The following NCOA7 variants were observed in gnomAD, a reference collection of about 807,000 sequenced individuals.
NCOA7 encodes 140 kDa estrogen receptor-associated protein.
A neutral mutation model predicts 104.3 loss-of-function variants in NCOA7; 45 were observed. The observed-to-expected ratio is 0.43, with a 90% confidence interval of 0.34 to 0.55. The LOEUF (loss-of-function observed/expected upper bound fraction) is 0.55. Ranked by LOEUF, NCOA7 falls within the 20% of genes least tolerant of loss-of-function variation. The probability of loss-of-function intolerance (pLI) is 0.02; values close to 1 mark genes in which losing one functional copy is unlikely to be tolerated. For synonymous variants in NCOA7, 398 were observed against 402.3 expected (o/e 0.99, Z 0.13); for missense variants, 1,041 against 1,119.7 (o/e 0.93, Z 1.00).
chr6:125,916,384 A>C (rs1787090206), intron 11 of NCOA7, among the ~76,000 whole-genome samples: 1 of 152,218 alleles, frequency 6.6e-6, no homozygotes, highest in Non-Finnish European at 1.5e-5. Context: ...GGACTAATAC[A>C]CAAGCTGTAG....
chr6:125,863,953 G>T lies in NCOA7; in HGVS notation c.271+8713G>T, dbSNP rs1370776402. Among the ~76,000 whole-genome samples the T allele has an allele frequency of 1.5e-5, 2 of 137,714 alleles. 1 individual carries two copies. The highest frequency in any genetic ancestry group is 6.1e-5 in the African/African-American group (2 of 32,938). 90.3% of individuals were successfully genotyped at this position (137,714 alleles called of 152,430 possible). ...GTGAGGATTTCAACATATGAATTTT[G>T]GGGGAACATAACATTAAAATCTTAG... On this transcript the variant is annotated intron_variant, in intron 3 of 15. Coordinates refer to ENST00000392477, the MANE Select transcript of NCOA7 (RefSeq NM_181782.5).
chr6:125,822,850 A>G (rs1381216777), intron 2 of NCOA7, among the ~76,000 whole-genome samples: 2 of 151,244 alleles, frequency 1.3e-5, no homozygotes, highest in African/African-American at 4.9e-5. Flanking sequence ...CAAGAGAATC[A>G]CTTGAACCCA....
intron 10 of NCOA7, among the ~76,000 whole-genome samples, chr6:125,899,502 T>A (rs1396718130): frequency 6.6e-6 from 1 of 152,202 alleles, no homozygotes; most frequent in African/African-American, 2.4e-5. Flanking sequence ...GATTCGTAAG[T>A]ACCACTTACC....
At position 125,840,868 on chromosome 6, in the gene NCOA7, G is replaced by GTTTTTTTTTTTTTTTTTTTT. The variant is rs57168444; in HGVS notation, c.51-14129_51-14110dup. ...TTTTATGGTTTTTTTTGTTTGGTTG[G>GTTTTTTTTTTTTTTTTTTTT]TTTTTTTTTTTTTTTTTTTTTTTTT... On this transcript the variant is annotated intron_variant, in intron 2 of 15. Coordinates refer to ENST00000392477, the MANE Select transcript of NCOA7 (RefSeq NM_181782.5). Among the ~76,000 whole-genome samples the GTTTTTTTTTTTTTTTTTTTT allele has an allele frequency of 3.0e-4, 12 of 40,376 alleles. 3 individuals are homozygous for GTTTTTTTTTTTTTTTTTTTT. Among genetic ancestry groups the GTTTTTTTTTTTTTTTTTTTT allele is most frequent in the African/African-American group, 3.1e-4 (3 of 9,662 alleles). The allele number at this position is 40,376 out of a possible 152,430, so 26.5% of individuals were successfully genotyped here. A position where few individuals can be genotyped will look rare whatever the true frequency, so the allele number is the denominator to read the frequency against.
intron 10 of NCOA7, among the ~76,000 whole-genome samples, chr6:125,906,884 C>T (rs1786059520): frequency 6.6e-6 from 1 of 152,058 alleles, no homozygotes; most frequent in Non-Finnish European, 1.5e-5. Flanking sequence ...ACAAGGCAAC[C>T]CTAACCTAGA....
chr6:125,843,153 T>A (rs1354466829), intron 2 of NCOA7, among the ~76,000 whole-genome samples: 5 of 152,208 alleles, frequency 3.3e-5, no homozygotes, highest in African/African-American at 1.2e-4. Flanking sequence ...GGACATTAAC[T>A]TGGATTGTCT....
intron 4 of NCOA7, among the ~76,000 whole-genome samples, chr6:125,877,371 C>T (rs983566642): frequency 2.0e-5 from 3 of 152,190 alleles, no homozygotes; most frequent in African/African-American, 7.2e-5. Context: ...GCCAGTTCTG[C>T]TTACAAAGAA....
intron 2 of NCOA7, among the ~76,000 whole-genome samples, chr6:125,831,112 G>A (rs1453475586): frequency 1.3e-5 from 2 of 152,178 alleles, no homozygotes; most frequent in Non-Finnish European, 1.5e-5. Flanking sequence ...ACATGAAATA[G>A]TTATCGTTAA....
chr6:125,924,666 T>A (rs1211291407), intron 13 of NCOA7, among the ~76,000 whole-genome samples: 1 of 152,230 alleles, frequency 6.6e-6, no homozygotes, highest in Non-Finnish European at 1.5e-5. Flanking sequence ...GAAATTATTC[T>A]AAGCCAGTGA....
At chr6:125,820,050 C>T (rs765611629) in intron 2 of NCOA7, among the ~76,000 whole-genome samples, 2 of 152,076 alleles carry the variant, frequency 1.3e-5, no homozygotes, top group African/African-American at 2.4e-5. Flanking sequence ...CATGTAGGTC[C>T]CTTGTTGGCT....
intron 7 of NCOA7, among the ~76,000 whole-genome samples, chr6:125,884,854 A>C (rs1784130134): frequency 6.6e-6 from 1 of 152,212 alleles, no homozygotes; most frequent in African/African-American, 2.4e-5. Context: ...TAGAAAATCT[A>C]GGAAATCTGA....
Position 125,890,732 on chromosome 6 carries a change from C to G in NCOA7, c.2018C>G (p.Thr673Ser). ...VGKPMRKSFA[T>S]HTAAMVQQYG... The stretch of plus-strand genomic sequence containing the variant: ...AAACCAATGAGAAAATCCTTTGCCA[C>G]TCACACTGCAGCCATGGTCCAGCAG... The change falls in exon 10 of 16, where the codon ACT (threonine) becomes AGT (serine). Residue 673 changes from threonine (T) to serine (S), a missense_variant. Physicochemically the swap from Thr to Ser is moderately conservative, Grantham distance 58. Transcript: ENST00000392477. 1 of 1,613,920 alleles carries G rather than the reference C, an allele frequency of 6.2e-7. No individual in the cohort carries two copies. The highest frequency in any genetic ancestry group is 8.5e-7 in the Non-Finnish European group (1 of 1,179,920).
At chr6:125,900,461 A>G (rs1160133511) in intron 10 of NCOA7, among the ~76,000 whole-genome samples, 1 of 152,212 alleles carries the variant, frequency 6.6e-6, no homozygotes, top group Non-Finnish European at 1.5e-5. Flanking sequence ...GAGCGTTCCT[A>G]TTATTTTTGG....
intron 11 of NCOA7, among the ~76,000 whole-genome samples, chr6:125,916,265 T>C (rs1016359325): frequency 4.6e-5 from 7 of 152,214 alleles, no homozygotes; most frequent in Non-Finnish European, 8.8e-5. Flanking sequence ...CTGCCATGAT[T>C]GTAAGTTTCC....
intron 1 of NCOA7, among the ~76,000 whole-genome samples, chr6:125,782,690 T>G (rs1395228026): frequency 6.6e-6 from 1 of 152,186 alleles, no homozygotes; most frequent in Non-Finnish European, 1.5e-5. Flanking sequence ...AGGACAACTA[T>G]CCTAAGTGAT....
chr6:125,805,991 G>C (rs193149916), intron 1 of NCOA7, among the ~76,000 whole-genome samples: 1 of 152,260 alleles, frequency 6.6e-6, no homozygotes, highest in East Asian at 1.9e-4. Context: ...CTTACCCAAG[G>C]CTACATACCT....
chr6:125,891,190 C>G (rs1243537152), intron 10 of NCOA7, among the ~76,000 whole-genome samples: 1 of 152,170 alleles, frequency 6.6e-6, no homozygotes, highest in Non-Finnish European at 1.5e-5. Flanking sequence ...TTATAATTTT[C>G]AAAGTGCTTA....
intron 9 of NCOA7, 113 bp downstream of exon 9, chr6:125,890,094 A>G (rs1168307880): frequency 1.4e-5 from 11 of 804,856 alleles, no homozygotes; most frequent in Non-Finnish European, 2.0e-5. Flanking sequence ...TTTTCTCAAT[A>G]GAGTGTATCT....
intron 11 of NCOA7, among the ~76,000 whole-genome samples, chr6:125,920,657 C>T (rs1365690498): frequency 6.6e-6 from 1 of 152,230 alleles, no homozygotes; most frequent in Non-Finnish European, 1.5e-5. Context: ...CTTCCTCCTG[C>T]CTTGGCCTCC....
Sources: gnomAD v4.1 joint callset for allele counts (sites outside exome capture counted in the v4.1 genomes callset) on GRCh38, gnomAD v4.1.1 for gene constraint, MANE v1.5 for transcripts, NCBI Gene and HGNC (gene_info 2026-07-23, HGNC 2026-07-21) for gene names.